Variants in ZAP70 observed in about 807,000 individuals in gnomAD.
The protein encoded by ZAP70 is tyrosine-protein kinase ZAP-70.
ZAP70 carries 27 observed loss-of-function variants against 65.8 expected under a neutral mutation model. The observed-to-expected ratio is 0.41, with a 90% CI of 0.30 to 0.57. The LOEUF (loss-of-function observed/expected upper bound fraction) is 0.57, where lower values mean the gene tolerates loss of function less well. ZAP70 is among the 20% of genes least tolerant of loss of function. The pLI is 0.28. For missense variants in ZAP70, 696 were observed against 870.5 expected (o/e 0.80, Z 2.52); for synonymous variants, 363 against 360.8 (o/e 1.01, Z -0.07).
intron 3 of ZAP70, chr2:97,724,695 G>C: frequency 6.6e-7 from 1 of 1,520,060 alleles, no homozygotes. Context: ...GTAGAGGGAC[G>C]CACTGGGCCG....
At chr2:97,740,735 C>T (rs531530744), downstream of ZAP70, among the ~76,000 whole-genome samples, 3 of 152,306 alleles carry the variant, frequency 2.0e-5, no homozygotes, top group African/African-American at 7.2e-5. Context: ...CAATCCCGCC[C>T]TCACTGCCTG....
At chr2:97,734,495 G>T (rs770806735) in intron 8 of ZAP70, 25 bp from the exon 9 acceptor site, 2 of 1,607,802 alleles carry the variant, frequency 1.2e-6, no homozygotes, top group East Asian at 2.2e-5. Flanking sequence ...CCCTGACCTG[G>T]GAGTGTACCG....
chr2:97,720,902 T>A (rs1677129555), intron 2 of ZAP70, among the ~76,000 whole-genome samples: 1 of 152,152 alleles, frequency 6.6e-6, no homozygotes, highest in South Asian at 2.1e-4. Context: ...TACCTTCCTT[T>A]CAGCTCCAGA....
At chr2:97,745,696 C>T in the ZAP70 span, among the ~76,000 whole-genome samples, 1 of 152,222 alleles carries the variant, frequency 6.6e-6, no homozygotes, top group East Asian at 1.9e-4. Flanking sequence ...TTGGAACCCT[C>T]ACACACTGTG....
At position 97,719,562 on chromosome 2, in the gene ZAP70, G is replaced by C. The variant is rs75790961; in HGVS notation, c.-21-4454G>C. On this transcript the variant is annotated intron_variant, in intron 2 of 13. Coordinates refer to ENST00000264972, the MANE Select transcript of ZAP70 (RefSeq NM_001079.4). Reference sequence around the variant, plus strand: ...GTGCTGGAGAACAGCCTGGGGGGGGGGCGCAGACCAGGTCTGGCTGAGAGG... The same window carrying C: ...GTGCTGGAGAACAGCCTGGGGGGGGCGCGCAGACCAGGTCTGGCTGAGAGG... 4.0e-3 allele frequency among the ~76,000 whole-genome samples: 601 copies of C among 148,536 alleles called. 2 individuals carry two copies. The highest frequency in any genetic ancestry group is 5.8e-3 in the Non-Finnish European group (389 of 67,350).
At chr2:97,750,174 T>C in the ZAP70 span, among the ~76,000 whole-genome samples, 1 of 152,190 alleles carries the variant, frequency 6.6e-6, no homozygotes, top group Non-Finnish European at 1.5e-5. Flanking sequence ...CACTCATCCA[T>C]GCCACTGCAC....
At chr2:97,724,873 C>A in intron 3 of ZAP70, 1 of 1,529,042 alleles carries the variant, frequency 6.5e-7, no homozygotes, top group Middle Eastern at 1.7e-4. Flanking sequence ...GCTGGAGATG[C>A]GCTTGGGGCC....
chr2:97,744,244 G>C (rs1011209979), downstream of ZAP70, among the ~76,000 whole-genome samples: 3 of 152,136 alleles, frequency 2.0e-5, no homozygotes, highest in African/African-American at 4.8e-5. Context: ...TGCATTCCCT[G>C]GACACCTTCT....
intron 4 of ZAP70, among the ~76,000 whole-genome samples, chr2:97,727,669 T>C (rs1283484044): frequency 6.6e-6 from 1 of 152,240 alleles, no homozygotes; most frequent in Non-Finnish European, 1.5e-5. Context: ...GTCTCTGCTT[T>C]CTCTTTCATA....
chr2:97,745,656 G>A, the ZAP70 span, among the ~76,000 whole-genome samples: 11 of 152,332 alleles, frequency 7.2e-5, no homozygotes, highest in African/African-American at 2.2e-4. Context: ...TGCACACACC[G>A]TAACTACGGC....
At chr2:97,735,147 T>G in intron 9 of ZAP70, 103 bp from the exon 10 acceptor site, 1 of 1,434,432 alleles carries the variant, frequency 7.0e-7, no homozygotes, top group Non-Finnish European at 9.6e-7. Flanking sequence ...TACAGTTGTC[T>G]ACCACACAAC....
chr2:97,724,683 A>G (rs1677307835), intron 3 of ZAP70: 1 of 1,521,608 alleles, frequency 6.6e-7, no homozygotes, highest in Non-Finnish European at 8.8e-7. Flanking sequence ...CCAGATGGGA[A>G]GGTAGAGGGA....
the ZAP70 span, among the ~76,000 whole-genome samples, chr2:97,751,189 C>CA: frequency 3.3e-5 from 5 of 152,178 alleles, no homozygotes; most frequent in Non-Finnish European, 7.3e-5. Flanking sequence ...TGTAGTGTCC[C>CA]ACTGAAGCAC....
chr2:97,739,048 A>G lies in ZAP70; in HGVS notation c.1737-327A>G, dbSNP rs150118412. Among the ~76,000 whole-genome samples, 458 of 152,182 alleles carry G rather than the reference A, an allele frequency of 3.0e-3. 2 individuals carry two copies. The highest frequency in any genetic ancestry group is 0.011 in the African/African-American group (440 of 41,526). ...TGCATGCACAGAGCATCAGCTTTCT[A>G]TATCCCAGGTCCCCGTGGTCAATAG... On this transcript the variant is annotated intron_variant, in intron 13 of 13. Coordinates refer to ENST00000264972, the MANE Select transcript of ZAP70 (RefSeq NM_001079.4).
chr2:97,728,035 G>T (rs891580669), intron 4 of ZAP70, among the ~76,000 whole-genome samples: 9 of 152,216 alleles, frequency 5.9e-5, no homozygotes, highest in African/African-American at 2.2e-4. Context: ...GCTCAGCTTT[G>T]ATCTGTTTGC....
chr2:97,754,594 G>T, the ZAP70 span, among the ~76,000 whole-genome samples: 1 of 152,066 alleles, frequency 6.6e-6, no homozygotes, highest in South Asian at 2.1e-4. Flanking sequence ...GTAGAGACGG[G>T]ATTTCACCAT....
the ZAP70 span, among the ~76,000 whole-genome samples, chr2:97,754,644 C>A: frequency 1.3e-5 from 2 of 152,188 alleles, no homozygotes; most frequent in Non-Finnish European, 2.9e-5. Flanking sequence ...CTCAGTTGAT[C>A]CGCCCACCTC....
chr2:97,736,939 G>A lies in ZAP70; in HGVS notation c.1290-534G>A, dbSNP rs181824333. ...AAGACAGTGGGAGACAGGAGGGAGC[G>A]AGGGCCTGGGCGGAGCTGACTATTC... On this transcript the variant is annotated intron_variant, in intron 10 of 13. Coordinates refer to ENST00000264972, the MANE Select transcript of ZAP70 (RefSeq NM_001079.4). The surrounding 1 kb of genome is among the most constrained non-coding windows in gnomAD (Gnocchi z 4.0). 5.3e-5 allele frequency among the ~76,000 whole-genome samples: 8 copies of A among 152,254 alleles called. No individual in the cohort carries two copies. Among genetic ancestry groups the A allele is most frequent in the African/African-American group, 1.4e-4 (6 of 41,538 alleles).
At chr2:97,721,283 C>G (rs1229134503) in intron 2 of ZAP70, among the ~76,000 whole-genome samples, 1 of 152,222 alleles carries the variant, frequency 6.6e-6, no homozygotes, top group Non-Finnish European at 1.5e-5. Flanking sequence ...ATCTGAAACC[C>G]TAAAACCAAC....
Sources: gnomAD v4.1 joint callset for allele counts (sites outside exome capture counted in the v4.1 genomes callset) on GRCh38, gnomAD v4.1.1 for gene constraint, Gnocchi (gnomAD v3.1) non-coding constraint, MANE v1.5 for transcripts, NCBI Gene and HGNC (gene_info 2026-07-23, HGNC 2026-07-21) for gene names.